Variants in VGLL4 observed in about 807,000 individuals in gnomAD.
The protein encoded by VGLL4 is transcription cofactor vestigial-like protein 4.
A neutral mutation model predicts 21.0 loss-of-function variants in VGLL4; 7 were observed. The ratio of observed to expected loss-of-function variants is 0.33; its 90% CI spans 0.19 to 0.63. The LOEUF is 0.63. VGLL4 is among the 20% of genes least tolerant of loss of function. The probability of loss-of-function intolerance (pLI) is 0.78; values close to 1 mark genes in which losing one functional copy is unlikely to be tolerated. For missense variants in VGLL4, 394 were observed against 425.7 expected (o/e 0.93, Z 0.66); for synonymous variants, 222 against 173.2 (o/e 1.28, Z -2.21).
At chr3:11,628,713 T>G (rs898180349) in intron 1 of VGLL4, among the ~76,000 whole-genome samples, 4 of 151,944 alleles carry the variant, frequency 2.6e-5, no homozygotes, top group South Asian at 4.2e-4. Flanking sequence ...CCAGCTATTC[T>G]GGAGGCTGAG....
At chr3:11,593,427 A>C (rs963001284) in intron 2 of VGLL4, among the ~76,000 whole-genome samples, 2 of 152,210 alleles carry the variant, frequency 1.3e-5, no homozygotes, top group African/African-American at 4.8e-5. Flanking sequence ...CTTCTTACTG[A>C]GTTCCTATTA....
intron 2 of VGLL4, among the ~76,000 whole-genome samples, chr3:11,661,200 G>C (rs28529314): frequency 0.021 from 3,252 of 152,092 alleles, 126 homozygotes; most frequent in African/African-American, 0.075. Context: ...AGTGCCCCCC[G>C]ACTCCACCCC....
intron 2 of VGLL4, among the ~76,000 whole-genome samples, chr3:11,578,850 C>T (rs1330934913): frequency 1.4e-5 from 2 of 146,376 alleles, no homozygotes; most frequent in Admixed American, 7.1e-5. Flanking sequence ...CCCAGGTTCA[C>T]GCCATTCTCC....
intron 2 of VGLL4, among the ~76,000 whole-genome samples, chr3:11,656,058 G>A (rs115734325): frequency 1.3e-5 from 2 of 152,210 alleles, no homozygotes; most frequent in South Asian, 2.1e-4. Flanking sequence ...AGGAGGGAGC[G>A]CAGGTGCACA....
intron 2 of VGLL4, among the ~76,000 whole-genome samples, chr3:11,588,396 C>T (rs943191201): frequency 9.9e-5 from 15 of 152,208 alleles, no homozygotes; most frequent in Non-Finnish European, 2.2e-4. Flanking sequence ...CAGAACCACA[C>T]TGGAGGATGA....
upstream of VGLL4, among the ~76,000 whole-genome samples, chr3:11,647,101 C>A (rs979297134): frequency 6.6e-6 from 1 of 152,186 alleles, no homozygotes; most frequent in Non-Finnish European, 1.5e-5. Context: ...AACCTGGTTT[C>A]ACAGAGAAGC....
chr3:11,597,859 A>G (rs988847563), intron 2 of VGLL4, among the ~76,000 whole-genome samples: 2 of 152,190 alleles, frequency 1.3e-5, no homozygotes, highest in East Asian at 1.9e-4. Flanking sequence ...TTCGGTAACA[A>G]TATCAACAAA....
intron 1 of VGLL4, among the ~76,000 whole-genome samples, chr3:11,624,843 A>C (rs888533516): frequency 1.3e-5 from 2 of 152,170 alleles, no homozygotes; most frequent in Non-Finnish European, 2.9e-5. Flanking sequence ...ACTTGATCCG[A>C]AGGAACACTG....
intron 1 of VGLL4, among the ~76,000 whole-genome samples, chr3:11,706,270 T>TA (rs1181453271): frequency 1.3e-5 from 2 of 152,172 alleles, no homozygotes; most frequent in Non-Finnish European, 2.9e-5. Context: ...TAATGGGTAT[T>TA]AAAGGTTCAT....
chr3:11,613,873 A>G (rs756654401), intron 1 of VGLL4, among the ~76,000 whole-genome samples: 5 of 152,180 alleles, frequency 3.3e-5, no homozygotes, highest in East Asian at 1.9e-4. Flanking sequence ...CTCGCTACTC[A>G]TGACAGGCCC....
chr3:11,700,710 G>C (rs1020813321), intron 2 of VGLL4, among the ~76,000 whole-genome samples: 1 of 152,198 alleles, frequency 6.6e-6, no homozygotes, highest in Admixed American at 6.5e-5. Flanking sequence ...AGACATCCCC[G>C]ACACAGGATG....
chr3:11,676,058 T>C lies in VGLL4; in HGVS notation c.64+26913A>G, dbSNP rs75243195. Reference sequence around the variant, plus strand: ...AAAAACCACAGAGAGCCAAGGACTATGAGCAGTTCAGAAATCCCACGGATT... The same window carrying C: ...AAAAACCACAGAGAGCCAAGGACTACGAGCAGTTCAGAAATCCCACGGATT... On this transcript the variant is annotated intron_variant, in intron 2 of 5. Transcript: ENST00000273038. 2.0e-3 allele frequency among the ~76,000 whole-genome samples: 304 copies of C among 152,324 alleles called. 2 individuals carry two copies. The highest frequency in any genetic ancestry group is 7.1e-3 in the African/African-American group (297 of 41,576).
chr3:11,595,841 TGGGG>T (rs1553727200), intron 2 of VGLL4, among the ~76,000 whole-genome samples: 8 of 26,962 alleles, frequency 3.0e-4, no homozygotes, highest in South Asian at 1.5e-3. Flanking sequence ...TGTTGTGGTG[TGGGG>T]GGGGCGGGGA....
chr3:11,590,161 C>T (rs1233125655), intron 2 of VGLL4, among the ~76,000 whole-genome samples: 2 of 152,166 alleles, frequency 1.3e-5, no homozygotes, highest in Non-Finnish European at 2.9e-5. Flanking sequence ...TGTTTTGAGA[C>T]AGTCTGAGCA....
chr3:11,695,598 A>G (rs2076596101), intron 2 of VGLL4, among the ~76,000 whole-genome samples: 1 of 152,216 alleles, frequency 6.6e-6, no homozygotes, highest in Non-Finnish European at 1.5e-5. Context: ...ATAGCTTCTC[A>G]TAACTAGAAG....
intron 1 of VGLL4, among the ~76,000 whole-genome samples, chr3:11,706,744 T>C (rs1014478982): frequency 2.9e-5 from 4 of 136,890 alleles, no homozygotes; most frequent in African/African-American, 5.7e-5. Context: ...GACCCTGTCT[T>C]ATCCCCAGTG....
rs943996188 is a variant in VGLL4 at position 11,557,622 on chromosome 3, A to C, written c.*934T>G. On this transcript the variant is annotated 3_prime_UTR_variant, in exon 5 of 5. Coordinates refer to ENST00000430365, the MANE Select transcript of VGLL4 (RefSeq NM_001128219.3). ...GTACAACTGTACCAGCAGTAAGTAT[A>C]TCTAGGACTGTAACTGACAAAAATA... 2.0e-5 allele frequency: 3 copies of C among 152,800 alleles called. No homozygotes were observed. The highest frequency in any genetic ancestry group is 1.3e-4 in the Admixed American group (2 of 15,288). 9.5% of individuals were successfully genotyped at this position (152,800 alleles called of 1,614,324 possible). A position where few individuals can be genotyped will look rare whatever the true frequency, so the allele number is the denominator to read the frequency against.
chr3:11,591,028 C>T (rs566786754), intron 2 of VGLL4, among the ~76,000 whole-genome samples: 6 of 152,288 alleles, frequency 3.9e-5, no homozygotes, highest in South Asian at 2.1e-4. Context: ...ATGAAGGTCA[C>T]AGGCAATGTC....
intron 2 of VGLL4, among the ~76,000 whole-genome samples, chr3:11,690,497 G>A (rs2076511461): frequency 6.6e-6 from 1 of 152,052 alleles, no homozygotes; most frequent in African/African-American, 2.4e-5. Flanking sequence ...TACTTCGCTA[G>A]GAAACTGAAA....
Sources: allele counts gnomAD v4.1 joint callset (sites outside exome capture counted in the v4.1 genomes callset), GRCh38; gene constraint gnomAD v4.1.1; transcripts MANE v1.5; gene names NCBI Gene and HGNC (gene_info 2026-07-23, HGNC 2026-07-21).